FAH: variants seen among roughly 807,000 people sequenced by gnomAD.
FAH encodes the protein fumarylacetoacetase.
Under a neutral mutation model 55.8 loss-of-function variants are expected in FAH, and 47 were observed. The observed-to-expected ratio is 0.84, with a 90% confidence interval of 0.67 to 1.07. The LOEUF (loss-of-function observed/expected upper bound fraction) is 1.07, where lower values mean the gene tolerates loss of function less well. FAH is among the 50% of genes least tolerant of loss of function. FAH has a pLI of 0.00. For synonymous variants in FAH, 199 were observed against 207.7 expected (o/e 0.96, Z 0.36); for missense variants, 495 against 545.9 (o/e 0.91, Z 0.93).
At chr15:80,159,905 T>C in intron 3 of FAH, 28 bp downstream of exon 3, 1 of 1,612,752 alleles carries the variant, frequency 6.2e-7, no homozygotes, top group Non-Finnish European at 8.5e-7. Flanking sequence ...ATAGGGGGGA[T>C]GAGGGGATGC....
chr15:80,181,309 T>G, intron 13 of FAH, 150 bp downstream of exon 13: 1 of 647,954 alleles, frequency 1.5e-6, no homozygotes. Flanking sequence ...GTTCTGTCCT[T>G]CCCCACAGCT....
chr15:80,164,447 A>G (rs953838626), intron 5 of FAH, among the ~76,000 whole-genome samples: 46 of 152,128 alleles, frequency 3.0e-4, no homozygotes, highest in African/African-American at 1.1e-3. Context: ...CACACCTGCA[A>G]AACTCTTTTT....
At chr15:80,186,878 G>C (rs1024462721), downstream of FAH, 1 of 158,526 alleles carries the variant, frequency 6.3e-6, no homozygotes, top group Non-Finnish European at 1.4e-5. Flanking sequence ...GAAACATGTA[G>C]AATAGCATTT....
At chr15:80,152,955 C>A, upstream of FAH, 2 of 983,652 alleles carry the variant, frequency 2.0e-6, no homozygotes, top group Non-Finnish European at 3.0e-6. Flanking sequence ...GCCGTGGGGG[C>A]GGGCAGGGGG....
intron 13 of FAH, among the ~76,000 whole-genome samples, chr15:80,181,626 G>T (rs1273774122): frequency 2.0e-5 from 3 of 152,072 alleles, no homozygotes; most frequent in African/African-American, 4.8e-5. Context: ...GCACCATAAT[G>T]GTTAGCAGCA....
At chr15:80,186,763 T>A (rs1167506912), downstream of FAH, 1 of 199,136 alleles carries the variant, frequency 5.0e-6, no homozygotes, top group East Asian at 1.2e-4. Flanking sequence ...AGTCATTGTT[T>A]GGTGAAGGCC....
chr15:80,175,465 G>T (rs1372894802), intron 10 of FAH, among the ~76,000 whole-genome samples: 2 of 152,184 alleles, frequency 1.3e-5, no homozygotes, highest in Non-Finnish European at 2.9e-5. Flanking sequence ...TTGAGTGCCT[G>T]TTTGAAAGCA....
rs33929922 is a variant in FAH at position 80,159,830 on chromosome 15, G to T, written c.267G>T (p.Leu89=). ...KEARVFLQNL[L]SVSQARLRDD... The stretch of plus-strand genomic sequence containing the variant: ...CGAGAGTGTTCTTGCAGAACTTGCT[G>T]TCTGTGAGCCAAGCCAGGCTCAGAG... The change falls in exon 3 of 14, where the codon CTG becomes CTT. Residue 89 remains leucine, a synonymous_variant. Coordinates refer to ENST00000561421, the MANE Select transcript of FAH (RefSeq NM_000137.4). 2 of 1,614,198 alleles carry T rather than the reference G, an allele frequency of 1.2e-6. No homozygotes were observed. The highest frequency in any genetic ancestry group is 2.2e-5 in the South Asian group (2 of 91,090).
At chr15:80,180,396 A>C (rs539144684) in intron 12 of FAH, 171 bp downstream of exon 12, 2 of 633,256 alleles carry the variant, frequency 3.2e-6, no homozygotes, top group Admixed American at 4.7e-5. Context: ...GGGACTTCTC[A>C]TCCAAATTCA....
At chr15:80,181,496 A>G (rs750546595) in intron 13 of FAH, among the ~76,000 whole-genome samples, 6 of 152,154 alleles carry the variant, frequency 3.9e-5, no homozygotes, top group African/African-American at 7.2e-5. Context: ...GGATCAAGGA[A>G]GGTTCAGCTG....
chr15:80,178,809 C>A (rs55959058), intron 11 of FAH, among the ~76,000 whole-genome samples: 1 of 151,492 alleles, frequency 6.6e-6, no homozygotes, highest in African/African-American at 2.4e-5. Flanking sequence ...AGGATGGTCT[C>A]GATCTCCTGA....
At chr15:80,156,417 G>C (rs1264279755) in intron 1 of FAH, 2 of 152,288 alleles carry the variant, frequency 1.3e-5, no homozygotes, top group Non-Finnish European at 2.9e-5. Flanking sequence ...TATAGCTACA[G>C]TTTATGCCTT....
intron 5 of FAH, among the ~76,000 whole-genome samples, chr15:80,165,593 G>A (rs1486288176): frequency 6.6e-6 from 1 of 151,950 alleles, no homozygotes; most frequent in Admixed American, 6.6e-5. Flanking sequence ...TACTTGGGAG[G>A]CTGAGGCAGG....
In FAH at chr15:80,162,283, T is replaced by G; in HGVS notation, c.402T>G (p.Ala134=). The G allele has an allele frequency of 6.2e-7, 1 of 1,614,262 alleles. No individual in the cohort carries two copies. Among genetic ancestry groups the G allele is most frequent in the South Asian group, 1.1e-5 (1 of 91,086 alleles). ...YTDFYSSRQH[A]TNVGIMFRDK... ...ACTTCTATTCCTCTCGGCAGCATGCTACCAACGTCGGAATCATGTTCAGGG... is the reference window on the plus strand; with the variant it reads ...ACTTCTATTCCTCTCGGCAGCATGCGACCAACGTCGGAATCATGTTCAGGG... Residue 134 remains alanine, a synonymous_variant, in exon 5 of 14, where the codon GCT becomes GCG. Transcript: ENST00000561421.
At chr15:80,164,389 C>T (rs1449090248) in intron 5 of FAH, among the ~76,000 whole-genome samples, 1 of 152,160 alleles carries the variant, frequency 6.6e-6, no homozygotes, top group East Asian at 1.9e-4. Context: ...TTAGGGTTCA[C>T]TCAAATAACC....
chr15:80,162,533 C>G lies in FAH; in HGVS notation c.455+197C>G, dbSNP rs375059217. On this transcript the variant is annotated intron_variant, in intron 5 of 13. Transcript: ENST00000561421. ...CTTGGCTTAGGACTTGCTGTGGGAT[C>G]GAAGGGCAAGTCCCTTAAACTTCCT... The G allele has an allele frequency of 1.3e-4, 82 of 642,578 alleles. 1 individual carries two copies. Among genetic ancestry groups the G allele is most frequent in the Admixed American group, 2.3e-4 (10 of 43,632 alleles). 39.8% of individuals were successfully genotyped at this position (642,578 alleles called of 1,614,324 possible). A position where few individuals can be genotyped will look rare whatever the true frequency, so the allele number is the denominator to read the frequency against.
intron 7 of FAH, 67 bp downstream of exon 7, chr15:80,168,383 GGCT>G: frequency 6.5e-7 from 1 of 1,546,214 alleles, no homozygotes; most frequent in Non-Finnish European, 8.9e-7. Flanking sequence ...CCTTTGGGAT[GGCT>G]CCCCGCACCA....
chr15:80,162,144 A>G, intron 4 of FAH, 102 bp from the exon 5 acceptor site: 1 of 869,522 alleles, frequency 1.2e-6, no homozygotes, highest in Non-Finnish European at 2.0e-6. Context: ...TGGATGTGTA[A>G]ACAGTATTGT....
intron 4 of FAH, 94 bp downstream of exon 4, chr15:80,160,553 T>C: frequency 8.3e-7 from 1 of 1,198,442 alleles, no homozygotes; most frequent in Non-Finnish European, 1.2e-6. Flanking sequence ...GTGTGGAGGG[T>C]CCCTGCTGGT....
Sources: gnomAD v4.1 joint callset for allele counts (sites outside exome capture counted in the v4.1 genomes callset) on GRCh38, gnomAD v4.1.1 for gene constraint, MANE v1.5 for transcripts, NCBI Gene and HGNC (gene_info 2026-07-23, HGNC 2026-07-21) for gene names.